The following MGAT5B variants were observed in gnomAD, a reference collection of about 807,000 sequenced individuals.
The protein encoded by MGAT5B is N-acetylglucosaminyl-transferase Vb.
In MGAT5B, 54 loss-of-function variants were observed where a neutral mutation model predicts 95.1. That is an observed-to-expected ratio of 0.57 (90% CI 0.46 to 0.71). The LOEUF (loss-of-function observed/expected upper bound fraction) is 0.71, where lower values mean the gene tolerates loss of function less well. Ranked by LOEUF, MGAT5B falls within the 30% of genes least tolerant of loss-of-function variation. The pLI is 0.00. For synonymous variants in MGAT5B, 464 were observed against 451.0 expected (o/e 1.03, Z -0.36); for missense variants, 935 against 1,088.6 (o/e 0.86, Z 1.99).
At chr17:76,895,017 C>G (rs1968015160) in intron 3 of MGAT5B, among the ~76,000 whole-genome samples, 1 of 152,166 alleles carries the variant, frequency 6.6e-6, no homozygotes, top group Non-Finnish European at 1.5e-5. Flanking sequence ...CCTGGCTGCA[C>G]AGCAGGAAGT....
chr17:76,885,434 C>G (rs1046334037), intron 3 of MGAT5B, among the ~76,000 whole-genome samples: 1 of 152,214 alleles, frequency 6.6e-6, no homozygotes, highest in Non-Finnish European at 1.5e-5. Flanking sequence ...CTGCAGGCAG[C>G]AGAGCTGAAG....
At position 76,889,315 on chromosome 17, in the gene MGAT5B, C is replaced by T. The variant is rs556028276; in HGVS notation, c.329+7017C>T. Among the ~76,000 whole-genome samples, 3 of 152,216 alleles carry T rather than the reference C, an allele frequency of 2.0e-5. No individual in the cohort carries two copies. Among genetic ancestry groups the T allele is most frequent in the Admixed American group, 6.5e-5 (1 of 15,290 alleles). On this transcript the variant is annotated intron_variant, in intron 3 of 17. Transcript: ENST00000569840. The surrounding 1 kb of genome is among the most constrained non-coding windows in gnomAD (Gnocchi z 4.4). ...TGCCCATGGGAGGTGACTGAGCCCA[C>T]GGGAGGTCACTGTGATGGGTTTGGG... is the stretch of plus-strand genomic sequence containing the variant.
chr17:76,905,351 C>T lies in MGAT5B; in HGVS notation c.855+18C>T, dbSNP rs1356869316. 5 of 1,560,962 alleles carry T rather than the reference C, an allele frequency of 3.2e-6. No homozygotes were observed. The South Asian group carries it at 3.5e-5, about 11-fold the overall frequency. On this transcript the variant is annotated intron_variant, in intron 7 of 17. Transcript: ENST00000569840. The surrounding 1 kb of genome is among the most constrained non-coding windows in gnomAD (Gnocchi z 4.2). Reference sequence around the variant, plus strand: ...AGAAGCAGGTGCGTGGCCCCTGCCCCCTCATGTGCAGGAGCTGAGAAAGCT... The same window carrying T: ...AGAAGCAGGTGCGTGGCCCCTGCCCTCTCATGTGCAGGAGCTGAGAAAGCT...
rs1208860968 is a variant in MGAT5B, at chr17:76,882,242, G to A, written c.273G>A (p.Leu91=). The A allele has an allele frequency of 6.2e-6, 10 of 1,613,530 alleles. No individual in the cohort carries two copies. The highest frequency in any genetic ancestry group is 1.1e-5 in the South Asian group (1 of 91,040). Residue 91 remains leucine (L), a synonymous_variant, in exon 3 of 18, where the codon CTG becomes CTA. Coordinates refer to ENST00000569840, the MANE Select transcript of MGAT5B (RefSeq NM_001199172.2). ...AGCGCATGGACGCACTGGCCAGGCTGGAGAACAGCAGTGAGCTGCACCGGG... is the reference window on the plus strand; with the variant it reads ...AGCGCATGGACGCACTGGCCAGGCTAGAGAACAGCAGTGAGCTGCACCGGG... The part of the protein sequence containing the change: ...MVKRMDALAR[L]ENSSELHRAG...
In MGAT5B at chr17:76,930,660, A is replaced by G. The variant is rs765567910; in HGVS notation, c.1292-1985A>G. On this transcript the variant is annotated intron_variant, in intron 10 of 17. Transcript: ENST00000569840. The surrounding 1 kb of genome is among the most constrained non-coding windows in gnomAD (Gnocchi z 4.1). ...CAGTCACTGCACTCCACACACGGCC[A>G]TGGAATTGGAGCGTGAGATCAAACA... Among the ~76,000 whole-genome samples, 1 of 152,190 alleles carries G rather than the reference A, an allele frequency of 6.6e-6. No homozygotes were observed. Among genetic ancestry groups the G allele is most frequent in the South Asian group, 2.1e-4 (1 of 4,830 alleles).
In MGAT5B at chr17:76,905,478, C is replaced by A; in HGVS notation, c.855+145C>A. 1 of 783,188 alleles carries A rather than the reference C, an allele frequency of 1.3e-6. No homozygotes were observed. Among genetic ancestry groups the A allele is most frequent in the Non-Finnish European group, 1.9e-6 (1 of 518,194 alleles). 48.5% of individuals were successfully genotyped at this position (783,188 alleles called of 1,614,324 possible). A position where few individuals can be genotyped will look rare whatever the true frequency, so the allele number is the denominator to read the frequency against. On this transcript the variant is annotated intron_variant, in intron 7 of 17. Coordinates refer to ENST00000569840, the MANE Select transcript of MGAT5B (RefSeq NM_001199172.2). The surrounding 1 kb of genome is among the most constrained non-coding windows in gnomAD (Gnocchi z 4.2). ...GAGAGAGGGGTAGGGATGGCAGAGT[C>A]GGGATAGATGTCTGTGGTGGTGGCC...
chr17:76,904,828 G>C (rs1435133520), intron 6 of MGAT5B, among the ~76,000 whole-genome samples: 1 of 152,240 alleles, frequency 6.6e-6, no homozygotes, highest in African/African-American at 2.4e-5. Flanking sequence ...GAGGCGCATA[G>C]TTGCTGTGGT....
intron 6 of MGAT5B, 109 bp downstream of exon 6, chr17:76,904,531 A>T: frequency 7.7e-7 from 1 of 1,293,128 alleles, no homozygotes; most frequent in East Asian, 2.6e-5. Context: ...GCTGCTTGCC[A>T]GGTGTGTGGG....
At chr17:76,890,949 C>T (rs565959911) in intron 3 of MGAT5B, among the ~76,000 whole-genome samples, 2 of 142,700 alleles carry the variant, frequency 1.4e-5, no homozygotes, top group African/African-American at 5.4e-5. Context: ...GCTGAGAGAG[C>T]TCTCTGGGGG....
chr17:76,873,340 C>T (rs1054295052), intron 2 of MGAT5B, among the ~76,000 whole-genome samples: 6 of 152,210 alleles, frequency 3.9e-5, no homozygotes. Context: ...CATGTGGGAA[C>T]GGGCCTGGCC....
intron 2 of MGAT5B, among the ~76,000 whole-genome samples, chr17:76,879,954 C>T (rs1251208403): frequency 6.6e-6 from 1 of 152,110 alleles, no homozygotes; most frequent in African/African-American, 2.4e-5. Context: ...GTGGGGAGGG[C>T]CTGAGAGGCT....
intron 3 of MGAT5B, among the ~76,000 whole-genome samples, chr17:76,895,406 G>A (rs1332353879): frequency 6.6e-6 from 1 of 152,044 alleles, no homozygotes; most frequent in Non-Finnish European, 1.5e-5. Flanking sequence ...CTCTCCCTGG[G>A]TCCATGGAAA....
At chr17:76,890,087 G>T (rs1967810554) in intron 3 of MGAT5B, among the ~76,000 whole-genome samples, 1 of 152,266 alleles carries the variant, frequency 6.6e-6, no homozygotes, top group Non-Finnish European at 1.5e-5. Context: ...CATGGCCTGG[G>T]CCAGACTCAC....
At chr17:76,943,034 G>GCCCC (rs201279890) in intron 15 of MGAT5B, among the ~76,000 whole-genome samples, 3 of 129,396 alleles carry the variant, frequency 2.3e-5, no homozygotes, top group African/African-American at 8.6e-5. Context: ...GGGATAACTT[G>GCCCC]CCCCCCCGGG....
At position 76,940,655 on chromosome 17, in the gene MGAT5B, G is replaced by A. The variant is rs922442061; in HGVS notation, c.1732-77G>A. ...TGTGGGGCAAAAGGAGATAGGACAAGTGTATGGGGTACCTTTCTTTGTCCC... is the reference window on the plus strand; with the variant it reads ...TGTGGGGCAAAAGGAGATAGGACAAATGTATGGGGTACCTTTCTTTGTCCC... On this transcript the variant is annotated intron_variant, in intron 14 of 17. Transcript: ENST00000569840. The surrounding 1 kb of genome is among the most constrained non-coding windows in gnomAD (Gnocchi z 4.3). 1 of 1,596,242 alleles carries A rather than the reference G, an allele frequency of 6.3e-7. No individual in the cohort carries two copies. The highest frequency in any genetic ancestry group is 8.6e-7 in the Non-Finnish European group (1 of 1,168,174).
rs553577630 is a variant in MGAT5B, at chr17:76,904,306, G to A, written c.574G>A (p.Gly192Ser). The A allele has an allele frequency of 2.5e-6, 4 of 1,610,216 alleles. No homozygotes were observed. The highest frequency in any genetic ancestry group is 3.4e-6 in the Non-Finnish European group (4 of 1,178,652). The stretch of plus-strand genomic sequence containing the variant: ...CTGCTACGCCTTCTTTGGGGTGGAC[G>A]GCACCGAGTGCTCCTTCCTCATCTA... The part of the protein sequence containing the change: ...DPCYAFFGVD[G>S]TECSFLIYLS... Residue 192 changes from glycine to serine, a missense_variant, in exon 6 of 18, where the codon GGC (glycine) becomes AGC (serine). Gly to Ser is a moderately conservative substitution (Grantham distance 56). Around this residue, in one of 4 missense-constraint regions of MGAT5B, gnomAD observed 243 missense variants for 305.5 expected, o/e 0.80. Coordinates refer to ENST00000569840, the MANE Select transcript of MGAT5B (RefSeq NM_001199172.2).
intron 12 of MGAT5B, among the ~76,000 whole-genome samples, chr17:76,933,708 G>C (rs192135378): frequency 5.7e-4 from 87 of 152,326 alleles, no homozygotes; most frequent in African/African-American, 2.0e-3. Flanking sequence ...TCTCCCAGCT[G>C]TACTGGTTAG....
rs143046690 is a variant in MGAT5B, at chr17:76,910,389, A to G, written c.1025+4202A>G. 6.0e-3 allele frequency among the ~76,000 whole-genome samples: 908 copies of G among 152,354 alleles called. 11 individuals carry two copies. The highest frequency in any genetic ancestry group is 0.021 in the African/African-American group (857 of 41,578). ...ATTTGCAGATTATGAAAAGAGGTGT[A>G]TACACTCATGCAGCCTCCACATGCA... On this transcript the variant is annotated intron_variant, in intron 8 of 17. Coordinates refer to ENST00000569840, the MANE Select transcript of MGAT5B (RefSeq NM_001199172.2).
intron 15 of MGAT5B, among the ~76,000 whole-genome samples, chr17:76,941,302 A>AG (rs1969856703): frequency 6.6e-6 from 1 of 152,218 alleles, no homozygotes; most frequent in South Asian, 2.1e-4. Context: ...TCGAGTAGCA[A>AG]GGGGGCAGAA....
Sources: gnomAD v4.1 joint callset for allele counts (sites outside exome capture counted in the v4.1 genomes callset) on GRCh38, gnomAD v4.1.1 for gene constraint, gnomAD v4.1.1 regional missense constraint, Gnocchi (gnomAD v3.1) non-coding constraint, MANE v1.5 for transcripts, NCBI Gene and HGNC (gene_info 2026-07-23, HGNC 2026-07-21) for gene names.